Variants in RPS6KA6 observed in about 807,000 individuals in gnomAD.
RPS6KA6 encodes the protein ribosomal protein S6 kinase A6.
Under a neutral mutation model 65.4 loss-of-function variants are expected in RPS6KA6, and 27 were observed. The observed-to-expected ratio is 0.41, with a 90% confidence interval of 0.30 to 0.57. The LOEUF is 0.57. RPS6KA6 is among the 20% of genes least tolerant of loss of function. The pLI is 0.24. For missense variants in RPS6KA6, 486 were observed against 555.6 expected, an observed-to-expected ratio of 0.87 and a Z score of 1.26; for synonymous variants, 190 against 184.2, an observed-to-expected ratio of 1.03 and a Z score of -0.26.
intron 6 of RPS6KA6, among the ~76,000 whole-genome samples, chrX:84,138,394 A>G (rs1354952429): frequency 1.8e-5 from 2 of 109,862 alleles, no homozygotes; most frequent in African/African-American, 6.6e-5. Context: ...CTCTACTGAA[A>G]AAAAAAAATA....
At chrX:84,091,377 T>C (rs906476966) in intron 20 of RPS6KA6, among the ~76,000 whole-genome samples, 28 of 112,374 alleles carry the variant, frequency 2.5e-4, no homozygotes, top group African/African-American at 9.0e-4. Context: ...TTATGCTAGA[T>C]GTGATAGAAA....
chrX:84,078,659 TAAATA>T (rs1192815910), intron 20 of RPS6KA6, among the ~76,000 whole-genome samples: 4 of 111,930 alleles, frequency 3.6e-5, no homozygotes, highest in Non-Finnish European at 7.5e-5. Context: ...AAATTATTAT[TAAATA>T]AAAGAGATCA....
At chrX:84,122,125 T>G (rs2034681697) in intron 8 of RPS6KA6, among the ~76,000 whole-genome samples, 2 of 111,600 alleles carry the variant, frequency 1.8e-5, no homozygotes, top group African/African-American at 3.3e-5. Context: ...TTCATATTGC[T>G]GAAAGAGGCA....
At chrX:84,146,498 A>G (rs903250072) in intron 5 of RPS6KA6, among the ~76,000 whole-genome samples, 1 of 111,490 alleles carries the variant, frequency 9.0e-6, no homozygotes. Flanking sequence ...TCCAAAGCTC[A>G]TGTTCTTTCC....
In RPS6KA6 at chrX:84,060,455, T is replaced by C. The variant is rs1324916545; in HGVS notation, c.*3822A>G. On this transcript the variant is annotated 3_prime_UTR_variant, in exon 22 of 22. Coordinates refer to ENST00000262752, the MANE Select transcript of RPS6KA6 (RefSeq NM_014496.5). Reference sequence around the variant, plus strand: ...TTCAATCTCTCTGTGCTTTTTTTTTTCTTTATAACAGGAATGGGATGGGGG... The same window carrying C: ...TTCAATCTCTCTGTGCTTTTTTTTTCCTTTATAACAGGAATGGGATGGGGG... The C allele has an allele frequency of 1.9e-5, 2 of 102,977 alleles. No homozygotes were observed. Among genetic ancestry groups the C allele is most frequent in the African/African-American group, 3.5e-5 (1 of 28,496 alleles). 8.5% of individuals were successfully genotyped at this position (102,977 alleles called of 1,213,427 possible).
At chrX:84,104,219 T>C (rs2034311679) in intron 17 of RPS6KA6, among the ~76,000 whole-genome samples, 1 of 111,325 alleles carries the variant, frequency 9.0e-6, no homozygotes, top group African/African-American at 3.2e-5. Context: ...TATGTTTGAC[T>C]TTTAAGTCTA....
intron 6 of RPS6KA6, 107 bp from the exon 7 acceptor site, chrX:84,135,317 G>A (rs1314770658): frequency 8.3e-6 from 4 of 483,105 alleles, no homozygotes; most frequent in Non-Finnish European, 1.4e-5. Context: ...AAAATAATAA[G>A]ATAATAAGCA....
rs915126551 is a variant in RPS6KA6 at position 84,101,428 on chromosome X, C to A, written c.1776+609G>T. On this transcript the variant is annotated intron_variant, in intron 18 of 21. Transcript: ENST00000262752. ...CTTTCCTGACTCTTCTCCCTAAGAG[C>A]ATCACCTTTCCTGATTCTTCACCCT... Among the ~76,000 whole-genome samples the A allele has an allele frequency of 5.2e-4, 57 of 110,406 alleles. 1 individual carries two copies. Among genetic ancestry groups the A allele is most frequent in the Non-Finnish European group, 5.7e-5 (3 of 52,545 alleles).
chrX:84,125,017 GA>G (rs1026342595), intron 8 of RPS6KA6, among the ~76,000 whole-genome samples: 18 of 111,052 alleles, frequency 1.6e-4, no homozygotes, highest in African/African-American at 3.6e-4. Flanking sequence ...TTAAAGTGCT[GA>G]AAAAAAATTA....
chrX:84,122,180 CT>C (rs889134218), intron 8 of RPS6KA6, among the ~76,000 whole-genome samples: 1 of 110,424 alleles, frequency 9.1e-6, no homozygotes, highest in African/African-American at 3.3e-5. Flanking sequence ...GATGACACCC[CT>C]TCCCCATGCC....
chrX:84,121,339 G>A (rs2034668002), intron 8 of RPS6KA6, among the ~76,000 whole-genome samples: 1 of 111,898 alleles, frequency 8.9e-6, no homozygotes, highest in Non-Finnish European at 1.9e-5. Context: ...CTTACAAACT[G>A]TAACTTTTCT....
chrX:84,170,976 C>A (rs1053171923), intron 1 of RPS6KA6, among the ~76,000 whole-genome samples: 1 of 111,533 alleles, frequency 9.0e-6, no homozygotes, highest in Non-Finnish European at 1.9e-5. Flanking sequence ...TAACGAGGGA[C>A]TGTGGCCATC....
chrX:84,083,404 C>T (rs746455291), intron 20 of RPS6KA6, among the ~76,000 whole-genome samples: 7 of 112,178 alleles, frequency 6.2e-5, no homozygotes, highest in South Asian at 3.7e-4. Context: ...CATAACAGGG[C>T]CCAGTGTGTG....
intron 17 of RPS6KA6, among the ~76,000 whole-genome samples, chrX:84,103,137 T>A (rs1291197973): frequency 1.8e-5 from 2 of 111,080 alleles, no homozygotes; most frequent in African/African-American, 6.5e-5. Context: ...ATGCTTAGGA[T>A]ACAATCCCAA....
intron 20 of RPS6KA6, among the ~76,000 whole-genome samples, chrX:84,077,609 A>G (rs2033689334): frequency 8.9e-6 from 1 of 112,153 alleles, no homozygotes; most frequent in Admixed American, 9.5e-5. Context: ...GTTGAATCAA[A>G]AAAGAACATT....
intron 17 of RPS6KA6, 44 bp from the exon 18 acceptor site, chrX:84,102,242 A>G (rs1473482816): frequency 7.7e-6 from 5 of 652,031 alleles, no homozygotes; most frequent in Admixed American, 5.4e-5. Context: ...ATAATTAACT[A>G]AATATCTGAG....
chrX:84,135,367 C>T (rs771825746), intron 6 of RPS6KA6, among the ~76,000 whole-genome samples, 157 bp from the exon 7 acceptor site: 2 of 111,197 alleles, frequency 1.8e-5, no homozygotes, highest in African/African-American at 6.5e-5. Flanking sequence ...ATTGGCAATA[C>T]CAGAGAAATA....
chrX:84,164,987 A>G (rs1458398186), intron 1 of RPS6KA6, among the ~76,000 whole-genome samples: 1 of 111,597 alleles, frequency 9.0e-6, no homozygotes, highest in African/African-American at 3.3e-5. Context: ...TCAAGGTTCT[A>G]CAAACTATAA....
chrX:84,132,909 C>A (rs1251467098), intron 8 of RPS6KA6, among the ~76,000 whole-genome samples: 1 of 97,164 alleles, frequency 1.0e-5, no homozygotes. Context: ...TTAAAGTGGA[C>A]TAGTGAAAAA....
Sources: gnomAD v4.1 joint callset for allele counts (sites outside exome capture counted in the v4.1 genomes callset) on GRCh38, gnomAD v4.1.1 for gene constraint, MANE v1.5 for transcripts, NCBI Gene and HGNC (gene_info 2026-07-23, HGNC 2026-07-21) for gene names.